Variants in SEMA3E observed in about 807,000 individuals in gnomAD.
The protein encoded by SEMA3E is semaphorin-3E.
A neutral mutation model predicts 93.6 loss-of-function variants in SEMA3E; 49 were observed. That is an observed-to-expected ratio of 0.52 (90% CI 0.42 to 0.66). The LOEUF (loss-of-function observed/expected upper bound fraction) is 0.66. Ranked by LOEUF, SEMA3E falls within the 30% of genes least tolerant of loss-of-function variation. The pLI is 0.00. For missense variants in SEMA3E, 906 were observed against 964.8 expected (o/e 0.94, Z 0.81); for synonymous variants, 363 against 330.7 (o/e 1.10, Z -1.06).
chr7:83,605,540 C>A (rs1174179924), intron 1 of SEMA3E, among the ~76,000 whole-genome samples: 1 of 151,896 alleles, frequency 6.6e-6, no homozygotes, highest in East Asian at 1.9e-4. Context: ...AAGCGATTAT[C>A]CTGCCTCAGC....
chr7:83,382,339 C>T (rs965802469), intron 16 of SEMA3E, among the ~76,000 whole-genome samples: 5 of 151,970 alleles, frequency 3.3e-5, no homozygotes, highest in Non-Finnish European at 5.9e-5. Flanking sequence ...GGTACTGTAG[C>T]ACTGAATGTG....
chr7:83,591,751 G>C (rs748019340), intron 1 of SEMA3E, among the ~76,000 whole-genome samples: 57 of 151,870 alleles, frequency 3.8e-4, no homozygotes, highest in Admixed American at 1.1e-3. Context: ...GCATTTCAAG[G>C]GTTTTTGAAA....
intron 4 of SEMA3E, among the ~76,000 whole-genome samples, chr7:83,442,031 T>G (rs1789124819): frequency 6.6e-6 from 1 of 152,186 alleles, no homozygotes; most frequent in South Asian, 2.1e-4. Flanking sequence ...ACTTTCAAAT[T>G]AAATCTACAT....
intron 2 of SEMA3E, among the ~76,000 whole-genome samples, chr7:83,486,759 C>CACCTGCCCAGACTGGT (rs1484776807): frequency 1.3e-5 from 2 of 152,072 alleles, no homozygotes; most frequent in Non-Finnish European, 2.9e-5. Flanking sequence ...TCCTTCCTGG[C>CACCTGCCCAGACTGGT]ACCTGCCCAG....
intron 1 of SEMA3E, among the ~76,000 whole-genome samples, chr7:83,599,556 G>C (rs1384464194): frequency 6.6e-6 from 1 of 152,092 alleles, no homozygotes. Flanking sequence ...GTTAACATAA[G>C]TATGAATAGT....
intron 1 of SEMA3E, among the ~76,000 whole-genome samples, chr7:83,610,019 G>A (rs1584362455): frequency 6.6e-6 from 1 of 151,876 alleles, no homozygotes; most frequent in Non-Finnish European, 1.5e-5. Flanking sequence ...AAATATTTCT[G>A]GAAAATATTA....
rs555204057 is a variant in SEMA3E at position 83,420,994 on chromosome 7, T to C, written c.457-2511A>G. ...AAGTGGGACCTAATTAAAGAGCTTC[T>C]GCACAGCAGGAACTATCAACAGAGT... On this transcript the variant is annotated intron_variant, in intron 4 of 16. Transcript: ENST00000643230. Among the ~76,000 whole-genome samples, 26 of 142,544 alleles carry C rather than the reference T, an allele frequency of 1.8e-4. 6 individuals are homozygous for C. The South Asian group carries it at 4.6e-3, about 25-fold the overall frequency. The allele number at this position is 142,544 out of a possible 152,430, so 93.5% of individuals were successfully genotyped here.
chr7:83,389,366 G>A (rs936944095), intron 14 of SEMA3E, among the ~76,000 whole-genome samples: 2 of 124,830 alleles, frequency 1.6e-5, no homozygotes, highest in South Asian at 2.4e-4. Context: ...CCACTTGGCC[G>A]AGATGGTGTT....
intron 1 of SEMA3E, among the ~76,000 whole-genome samples, chr7:83,578,653 T>G (rs1792457840): frequency 6.6e-6 from 1 of 152,096 alleles, no homozygotes; most frequent in East Asian, 1.9e-4. Flanking sequence ...AAACAAATGG[T>G]AGAAAAACTG....
At chr7:83,501,832 A>T (rs2115604610) in intron 1 of SEMA3E, among the ~76,000 whole-genome samples, 1 of 152,336 alleles carries the variant, frequency 6.6e-6, no homozygotes, top group Admixed American at 6.5e-5. Flanking sequence ...CCATCTTATA[A>T]CAACAAAGAA....
chr7:83,385,430 T>C lies in SEMA3E; in HGVS notation c.1739A>G (p.Asp580Gly), dbSNP rs754158945. ...ATGTTCTTCAGTCTTATCCAAAGCA[T>C]CCCCTACAACAGGAACATTAATGCC... ...QQCFGQQFVG[D>G]ALDKTEEHLA... Residue 580 changes from aspartate (D) to glycine (G), a missense_variant, in exon 16 of 17, where the codon GAT becomes GGT. Coordinates refer to ENST00000643230, the MANE Select transcript of SEMA3E (RefSeq NM_012431.3). 62 of 1,613,144 alleles carry C rather than the reference T, an allele frequency of 3.8e-5. No homozygotes were observed. The highest frequency in any genetic ancestry group is 5.0e-5 in the Admixed American group (3 of 59,926).
intron 4 of SEMA3E, among the ~76,000 whole-genome samples, chr7:83,460,029 G>A (rs537169506): frequency 2.4e-3 from 361 of 152,088 alleles, no homozygotes; most frequent in African/African-American, 7.8e-3. Flanking sequence ...CTCTCTTTTC[G>A]GACTCAGCCC....
chr7:83,466,339 A>G, intron 4 of SEMA3E, 143 bp downstream of exon 4: 2 of 977,686 alleles, frequency 2.0e-6, no homozygotes, highest in South Asian at 1.5e-5. Context: ...GCCCAGAAAG[A>G]TAATTTCTCT....
At chr7:83,449,156 G>A (rs1296267819) in intron 4 of SEMA3E, among the ~76,000 whole-genome samples, 1 of 151,582 alleles carries the variant, frequency 6.6e-6, no homozygotes, top group Admixed American at 6.6e-5. Flanking sequence ...CTGGAGTGCA[G>A]TGGCGTAATC....
chr7:83,549,805 T>C (rs1056040421), intron 1 of SEMA3E, among the ~76,000 whole-genome samples: 5 of 152,224 alleles, frequency 3.3e-5, no homozygotes, highest in Non-Finnish European at 2.9e-5. Context: ...TTCCATAATC[T>C]AATCATTATG....
intron 1 of SEMA3E, among the ~76,000 whole-genome samples, chr7:83,501,132 AT>A (rs1310858272): frequency 1.3e-5 from 2 of 152,152 alleles, no homozygotes; most frequent in Non-Finnish European, 2.9e-5. Flanking sequence ...CTTTCTTAGG[AT>A]TAGGTCTGAA....
chr7:83,397,376 A>C (rs969181163), intron 11 of SEMA3E, among the ~76,000 whole-genome samples: 2 of 152,274 alleles, frequency 1.3e-5, no homozygotes, highest in Admixed American at 1.3e-4. Context: ...GCATGACGCA[A>C]GAAAATTTTT....
chr7:83,575,968 T>C (rs1391641252), intron 1 of SEMA3E, among the ~76,000 whole-genome samples: 14 of 152,182 alleles, frequency 9.2e-5, no homozygotes, highest in Non-Finnish European at 1.0e-4. Context: ...TTGCATAGTT[T>C]TAAGTTTTCA....
At chr7:83,602,141 G>A (rs560539902) in intron 1 of SEMA3E, among the ~76,000 whole-genome samples, 26 of 152,258 alleles carry the variant, frequency 1.7e-4, no homozygotes, top group Admixed American at 9.2e-4. Flanking sequence ...GGAATGAGAT[G>A]GGTGAGGATT....
Sources: gnomAD v4.1 joint callset for allele counts (sites outside exome capture counted in the v4.1 genomes callset) on GRCh38, gnomAD v4.1.1 for gene constraint, MANE v1.5 for transcripts, NCBI Gene and HGNC (gene_info 2026-07-23, HGNC 2026-07-21) for gene names.